The following TMEM260 variants were observed in gnomAD, a reference collection of about 807,000 sequenced individuals.
TMEM260 encodes transmembrane protein 260, also known as protein O-mannosyl-transferase TMEM260.
TMEM260 carries 82 observed loss-of-function variants against 88.9 expected under a neutral mutation model. The ratio of observed to expected loss-of-function variants is 0.92; its 90% CI spans 0.77 to 1.11. The LOEUF (loss-of-function observed/expected upper bound fraction) is 1.11, where lower values mean the gene tolerates loss of function less well. TMEM260 is among the 50% of genes least tolerant of loss of function. TMEM260 has a pLI of 0.00. For missense variants in TMEM260, 902 were observed against 853.4 expected (o/e 1.06, Z -0.71); for synonymous variants, 314 against 309.3 (o/e 1.02, Z -0.16).
chr14:56,595,171 T>C (rs1328365562), intron 3 of TMEM260, among the ~76,000 whole-genome samples: 1 of 152,244 alleles, frequency 6.6e-6, no homozygotes, highest in African/African-American at 2.4e-5. Flanking sequence ...CAGTAATCTC[T>C]CTTAGCAAGT....
Position 56,625,456 on chromosome 14 carries a change from G to T in TMEM260, c.1473G>T (p.Trp491Cys), listed in dbSNP as rs780762064. Residue 491 changes from tryptophan to cysteine, a missense_variant, in exon 12 of 16, where the codon TGG (tryptophan) becomes TGT (cysteine). By Grantham distance (215) the Trp-to-Cys change is radical (BLOSUM62 -2). Coordinates refer to ENST00000261556, the MANE Select transcript of TMEM260 (RefSeq NM_017799.4). ...GTGTCAACTTTCCTGGGAACCGGTG[G>T]AATCCTGTGGAAGGAATATTACCTA... is the stretch of plus-strand genomic sequence containing the variant. Reference protein sequence around the residue: ...LPGVNFPGNRWNPVEGILPSG... With the variant: ...LPGVNFPGNRCNPVEGILPSG... 6.2e-7 allele frequency: 1 copy of T among 1,613,668 alleles called. No individual in the cohort carries two copies. Among genetic ancestry groups the T allele is most frequent in the South Asian group, 1.1e-5 (1 of 91,042 alleles).
At chr14:56,632,960 T>A in intron 12 of TMEM260, 35 bp from the exon 13 acceptor site, 1 of 1,566,408 alleles carries the variant, frequency 6.4e-7, no homozygotes, top group South Asian at 1.1e-5. Flanking sequence ...AACTTTAAAT[T>A]TTAAGTACAT....
In TMEM260 at chr14:56,648,328, A is replaced by G. The variant is rs966300401; in HGVS notation, c.*831A>G. On this transcript the variant is annotated 3_prime_UTR_variant, in exon 16 of 16. Coordinates refer to ENST00000261556, the MANE Select transcript of TMEM260 (RefSeq NM_017799.4). ...TCTGTTACAAGCATCTTTTATACAT[A>G]TTACTAAAGAGAACATAGTAAGAAA... is the stretch of plus-strand genomic sequence containing the variant. 1.3e-5 allele frequency: 2 copies of G among 152,454 alleles called. No homozygotes were observed. Among genetic ancestry groups the G allele is most frequent in the Admixed American group, 6.5e-5 (1 of 15,280 alleles). 9.4% of individuals were successfully genotyped at this position (152,454 alleles called of 1,614,324 possible).
downstream of TMEM260, among the ~76,000 whole-genome samples, chr14:56,651,282 T>C (rs1368583199): frequency 6.6e-6 from 1 of 151,526 alleles, no homozygotes; most frequent in Non-Finnish European, 1.5e-5. Flanking sequence ...TACTCAGCTA[T>C]AGAAAATTAA....
intron 12 of TMEM260, among the ~76,000 whole-genome samples, chr14:56,630,886 G>T (rs1001716762): frequency 6.6e-6 from 1 of 152,118 alleles, no homozygotes; most frequent in South Asian, 2.1e-4. Context: ...TGCCTTCTGT[G>T]AACTGTGGTT....
At chr14:56,643,835 C>A (rs1889774968) in intron 15 of TMEM260, among the ~76,000 whole-genome samples, 1 of 152,172 alleles carries the variant, frequency 6.6e-6, no homozygotes, top group Non-Finnish European at 1.5e-5. Context: ...AATCAGCATG[C>A]ACAAATCACA....
At chr14:56,616,155 C>G in intron 8 of TMEM260, 128 bp downstream of exon 8, 1 of 637,614 alleles carries the variant, frequency 1.6e-6, no homozygotes, top group Non-Finnish European at 2.7e-6. Context: ...TCCTAGCTGT[C>G]TATTAAGATA....
chr14:56,655,284 G>A (rs377707635), downstream of TMEM260, among the ~76,000 whole-genome samples: 36 of 151,662 alleles, frequency 2.4e-4, no homozygotes, highest in African/African-American at 7.7e-4. Flanking sequence ...CAGCTACTCC[G>A]AAGGCTGAGG....
At chr14:56,600,035 C>T (rs967023518) in intron 3 of TMEM260, among the ~76,000 whole-genome samples, 31 of 152,182 alleles carry the variant, frequency 2.0e-4, no homozygotes, top group Admixed American at 3.9e-4. Context: ...AAATAGCCCA[C>T]ATATTAACTG....
intron 3 of TMEM260, among the ~76,000 whole-genome samples, chr14:56,591,977 GC>G (rs1250216653): frequency 2.0e-5 from 3 of 152,082 alleles, no homozygotes; most frequent in Non-Finnish European, 1.5e-5. Context: ...CTTACTCCCT[GC>G]ATTTTAGTTG....
the TMEM260 span, among the ~76,000 whole-genome samples, chr14:56,659,581 C>A: frequency 6.6e-6 from 1 of 152,148 alleles, no homozygotes; most frequent in East Asian, 1.9e-4. Flanking sequence ...TTGGGAGGCT[C>A]CGGAGAGGCC....
intron 12 of TMEM260, among the ~76,000 whole-genome samples, chr14:56,630,663 A>G (rs1399438450): frequency 6.6e-6 from 1 of 152,094 alleles, no homozygotes; most frequent in East Asian, 1.9e-4. Context: ...CAATTCTAGC[A>G]TTTGTGTCAT....
the TMEM260 span, among the ~76,000 whole-genome samples, chr14:56,657,342 A>C: frequency 6.6e-6 from 1 of 152,118 alleles, no homozygotes; most frequent in Non-Finnish European, 1.5e-5. Flanking sequence ...GAGGTCTTCT[A>C]TGTTGCCCCG....
At chr14:56,589,711 G>GT (rs1202812709) in intron 3 of TMEM260, among the ~76,000 whole-genome samples, 1 of 152,104 alleles carries the variant, frequency 6.6e-6, no homozygotes, top group Non-Finnish European at 1.5e-5. Context: ...TTTTGTGCCA[G>GT]TATTTAACTC....
chr14:56,593,977 G>C (rs995757626), intron 3 of TMEM260, among the ~76,000 whole-genome samples: 4 of 152,068 alleles, frequency 2.6e-5, no homozygotes, highest in Non-Finnish European at 5.9e-5. Context: ...GTGAGCCACC[G>C]CGCCCGGCCG....
intron 12 of TMEM260, among the ~76,000 whole-genome samples, chr14:56,626,741 A>G (rs926037586): frequency 6.6e-6 from 1 of 152,188 alleles, no homozygotes; most frequent in South Asian, 2.1e-4. Context: ...TAAAAATTGC[A>G]TGTCCAAAAT....
At chr14:56,613,601 C>G (rs1357031554) in intron 7 of TMEM260, 2 of 152,010 alleles carry the variant, frequency 1.3e-5, no homozygotes, top group African/African-American at 4.8e-5. Context: ...CTGTTTTTCA[C>G]TTTACATTAT....
intron 12 of TMEM260, among the ~76,000 whole-genome samples, chr14:56,626,114 G>C (rs1291309892): frequency 6.6e-6 from 1 of 152,150 alleles, no homozygotes; most frequent in Non-Finnish European, 1.5e-5. Context: ...TGAAGTGCTT[G>C]AGATTGTCCA....
chr14:56,646,331 C>T (rs1443154393), intron 15 of TMEM260, among the ~76,000 whole-genome samples: 1 of 152,180 alleles, frequency 6.6e-6, no homozygotes, highest in Non-Finnish European at 1.5e-5. Context: ...ATTCAAAAAG[C>T]ACTTGTCCCT....
Sources: allele counts gnomAD v4.1 joint callset (sites outside exome capture counted in the v4.1 genomes callset), GRCh38; gene constraint gnomAD v4.1.1; transcripts MANE v1.5; gene names NCBI Gene and HGNC (gene_info 2026-07-23, HGNC 2026-07-21).